IFT25: variants seen among roughly 807,000 people sequenced by gnomAD.
IFT25 encodes the protein intraflagellar transport 25, also known as intraflagellar transport protein 25 homolog.
At chr1:53,912,234 C>A in the IFT25 span, among the ~76,000 whole-genome samples, 1 of 152,202 alleles carries the variant, frequency 6.6e-6, no homozygotes, top group African/African-American at 2.4e-5. Context: ...ACAGAAATCT[C>A]CCCATTTTCA....
chr1:53,938,157 C>A, the IFT25 span, among the ~76,000 whole-genome samples: 1 of 152,084 alleles, frequency 6.6e-6, no homozygotes, highest in Non-Finnish European at 1.5e-5. Flanking sequence ...GCTTCTTATT[C>A]CCCAAGATTA....
chr1:53,924,493 T>C, the IFT25 span, among the ~76,000 whole-genome samples: 1 of 152,230 alleles, frequency 6.6e-6, no homozygotes, highest in Non-Finnish European at 1.5e-5. Context: ...CATGAGTTAA[T>C]CATATCAAAC....
At chr1:53,913,861 G>A in the IFT25 span, among the ~76,000 whole-genome samples, 1 of 152,172 alleles carries the variant, frequency 6.6e-6, no homozygotes, top group African/African-American at 2.4e-5. Context: ...ACACAGCAAG[G>A]TGGCAGCTAC....
the IFT25 span, chr1:53,917,122 G>C: frequency 5.8e-6 from 1 of 172,338 alleles, no homozygotes; most frequent in Non-Finnish European, 1.2e-5. Context: ...CCGGCCTGGG[G>C]GATAAGAGCA....
chr1:53,945,042 T>G, the IFT25 span, among the ~76,000 whole-genome samples: 1 of 152,280 alleles, frequency 6.6e-6, no homozygotes, highest in Admixed American at 6.5e-5. Context: ...GGCCTAAGGC[T>G]TCTGTCTCCG....
At chr1:53,928,447 T>C in the IFT25 span, 1 of 1,603,938 alleles carries the variant, frequency 6.2e-7, no homozygotes, top group South Asian at 1.1e-5. Flanking sequence ...TGTACTAACA[T>C]TGTAAACAAA....
chr1:53,915,207 G>T, the IFT25 span, among the ~76,000 whole-genome samples: 1 of 152,172 alleles, frequency 6.6e-6, no homozygotes. Flanking sequence ...TAAGCCCTGA[G>T]GATACAGTCA....
the IFT25 span, among the ~76,000 whole-genome samples, chr1:53,919,991 G>C: frequency 6.4e-4 from 98 of 152,134 alleles, no homozygotes; most frequent in African/African-American, 2.2e-3. Context: ...TAGATATGGG[G>C]TCTAGCTATG....
the IFT25 span, among the ~76,000 whole-genome samples, chr1:53,927,331 A>G: frequency 0.13 from 19,393 of 152,204 alleles, 1,551 homozygotes; most frequent in African/African-American, 0.23. Flanking sequence ...TAGTTTCTCC[A>G]AAGATGAATG....
chr1:53,915,562 T>G, the IFT25 span, among the ~76,000 whole-genome samples: 3 of 152,214 alleles, frequency 2.0e-5, no homozygotes, highest in African/African-American at 7.2e-5. Flanking sequence ...GTCAGGTCCC[T>G]AACCTAAGAA....
the IFT25 span, chr1:53,930,242 C>T: frequency 1.1e-5 from 13 of 1,161,378 alleles, no homozygotes; most frequent in African/African-American, 1.6e-4. Context: ...TAAATGACTA[C>T]TGGATTCTCA....
chr1:53,944,748 G>A, the IFT25 span, among the ~76,000 whole-genome samples: 26 of 152,112 alleles, frequency 1.7e-4, no homozygotes, highest in Non-Finnish European at 3.4e-4. Context: ...TACACTCTGG[G>A]GTGCTATCCT....
chr1:53,930,566 C>T, the IFT25 span, among the ~76,000 whole-genome samples: 5 of 151,584 alleles, frequency 3.3e-5, no homozygotes, highest in Non-Finnish European at 1.5e-5. Context: ...TTTTTTTTTA[C>T]CTGAAAAACC....
chr1:53,939,839 A>G, the IFT25 span: 1 of 611,652 alleles, frequency 1.6e-6, no homozygotes, highest in Non-Finnish European at 2.9e-6. Context: ...TTAGTTTCAG[A>G]AATGGTACCA....
chr1:53,921,490 C>A, the IFT25 span: 1 of 592,498 alleles, frequency 1.7e-6, no homozygotes, highest in African/African-American at 1.9e-5. Flanking sequence ...GTGGCCAGTA[C>A]TGCTGATTGA....
chr1:53,931,153 T>C, the IFT25 span, among the ~76,000 whole-genome samples: 3 of 152,182 alleles, frequency 2.0e-5, no homozygotes, highest in East Asian at 3.9e-4. Flanking sequence ...CCACCAACTA[T>C]GCTACAATGT....
At chr1:53,913,820 C>A in the IFT25 span, among the ~76,000 whole-genome samples, 1 of 152,186 alleles carries the variant, frequency 6.6e-6, no homozygotes, top group African/African-American at 2.4e-5. Context: ...AGTGCACTCT[C>A]TGCACACACA....
chr1:53,917,220 A>G, the IFT25 span: 2 of 152,378 alleles, frequency 1.3e-5, no homozygotes, highest in Non-Finnish European at 2.9e-5. Flanking sequence ...TATAAGTAGA[A>G]ATACTCCTAC....
the IFT25 span, chr1:53,916,647 T>C: frequency 3.3e-6 from 1 of 298,674 alleles, no homozygotes; most frequent in Non-Finnish European, 6.2e-6. Context: ...CCTTAAATGG[T>C]TCCAGTGTTA....
Sources: gnomAD v4.1 joint callset for allele counts (sites outside exome capture counted in the v4.1 genomes callset) on GRCh38, gnomAD v4.1.1 for gene constraint, MANE v1.5 for transcripts, NCBI Gene and HGNC (gene_info 2026-07-23, HGNC 2026-07-21) for gene names.